Variants in TASP1 observed in about 807,000 individuals in gnomAD.
TASP1 encodes taspase 1.
A neutral mutation model predicts 56.6 loss-of-function variants in TASP1; 16 were observed. The observed-to-expected ratio is 0.28, with a 90% confidence interval of 0.19 to 0.43. The LOEUF (loss-of-function observed/expected upper bound fraction) is 0.43. Among genes scored for constraint, TASP1 ranks in the 20% least tolerant of loss-of-function variants. The pLI, the probability that TASP1 is intolerant of heterozygous loss-of-function variation, is 1.00. For synonymous variants in TASP1, 179 were observed against 184.2 expected, an observed-to-expected ratio of 0.97 and a Z score of 0.23; for missense variants, 393 against 511.6, an observed-to-expected ratio of 0.77 and a Z score of 2.24.
At chr20:13,533,068 A>C (rs1255166306) in intron 9 of TASP1, among the ~76,000 whole-genome samples, 3 of 152,154 alleles carry the variant, frequency 2.0e-5, no homozygotes, top group African/African-American at 4.8e-5. Flanking sequence ...AGATCAAACA[A>C]CACCACTTTG....
chr20:13,192,543 C>T, the TASP1 span, among the ~76,000 whole-genome samples: 1 of 151,910 alleles, frequency 6.6e-6, no homozygotes, highest in South Asian at 2.1e-4. Flanking sequence ...TCAAAACACA[C>T]AAACACACAC....
chr20:13,129,971 G>A, the TASP1 span, among the ~76,000 whole-genome samples: 1 of 152,098 alleles, frequency 6.6e-6, no homozygotes, highest in Non-Finnish European at 1.5e-5. Flanking sequence ...CTATGTGTAT[G>A]GTCTGGTTTT....
chr20:13,569,657 A>G (rs566095388), intron 6 of TASP1, 71 bp from the exon 7 acceptor site: 1 of 1,339,322 alleles, frequency 7.5e-7, no homozygotes, highest in East Asian at 2.3e-5. Flanking sequence ...AATATAGGTA[A>G]TATGGTAAGG....
the TASP1 span, chr20:13,299,734 C>G: frequency 2.8e-6 from 1 of 357,190 alleles, no homozygotes; most frequent in Non-Finnish European, 5.1e-6. This position sits in a 1 kb window ranked among gnomAD's most constrained non-coding sequence, Gnocchi z 5.8. Context: ...AGAAGAAGAA[C>G]CTGGAAGCCA....
At chr20:13,398,424 T>A (rs1253238094) in intron 13 of TASP1, among the ~76,000 whole-genome samples, 1 of 150,860 alleles carries the variant, frequency 6.6e-6, no homozygotes, top group East Asian at 1.9e-4. Context: ...AAGCTGCAAG[T>A]GTATTGCTCC....
the TASP1 span, among the ~76,000 whole-genome samples, chr20:13,194,579 GTGTGTGTA>G: frequency 1.0e-2 from 1,304 of 130,682 alleles, 20 homozygotes; most frequent in African/African-American, 0.039. Context: ...GTGTGTGTGT[GTGTGTGTA>G]TGTGTGTTTC....
chr20:13,619,285 A>G (rs1326622742), intron 4 of TASP1, among the ~76,000 whole-genome samples: 1 of 152,216 alleles, frequency 6.6e-6, no homozygotes, highest in Non-Finnish European at 1.5e-5. Flanking sequence ...AAAGGTTACA[A>G]CAAGATCTTC....
chr20:13,417,762 T>C (rs940301260), intron 12 of TASP1, among the ~76,000 whole-genome samples: 7 of 152,078 alleles, frequency 4.6e-5, no homozygotes, highest in African/African-American at 1.7e-4. Context: ...GTAAAATAAA[T>C]GCTCTTCTGT....
intron 10 of TASP1, among the ~76,000 whole-genome samples, chr20:13,495,308 G>A (rs1319219574): frequency 2.0e-5 from 3 of 152,108 alleles, no homozygotes; most frequent in African/African-American, 7.2e-5. Context: ...CTTTAAAGCT[G>A]TACGCAAAGT....
At chr20:13,361,845 T>A in the TASP1 span, among the ~76,000 whole-genome samples, 1 of 152,066 alleles carries the variant, frequency 6.6e-6, no homozygotes, top group African/African-American at 2.4e-5. Flanking sequence ...AAATAAATAA[T>A]CTTTGCTGGC....
At chr20:13,630,626 T>G (rs1438859583) in intron 1 of TASP1, among the ~76,000 whole-genome samples, 1 of 140,786 alleles carries the variant, frequency 7.1e-6, no homozygotes, top group African/African-American at 2.8e-5. Context: ...GAGGCAGAAG[T>G]TGCAGTGAGC....
At chr20:13,618,947 C>T (rs1231668240) in intron 4 of TASP1, among the ~76,000 whole-genome samples, 1 of 151,928 alleles carries the variant, frequency 6.6e-6, no homozygotes. Flanking sequence ...GGCTCACTGC[C>T]AACCTCTGCC....
chr20:13,477,592 A>T (rs1216336309), intron 11 of TASP1, among the ~76,000 whole-genome samples: 2 of 152,196 alleles, frequency 1.3e-5, no homozygotes, highest in Non-Finnish European at 2.9e-5. Flanking sequence ...CACAAAACCA[A>T]GTTGGTTTAA....
At chr20:13,279,910 A>C in the TASP1 span, 1 of 1,609,016 alleles carries the variant, frequency 6.2e-7, no homozygotes, top group Non-Finnish European at 8.5e-7. Flanking sequence ...TGAGTTTACC[A>C]CCTAGTAATA....
At chr20:13,236,944 G>A in the TASP1 span, among the ~76,000 whole-genome samples, 2 of 152,150 alleles carry the variant, frequency 1.3e-5, no homozygotes, top group African/African-American at 4.8e-5. Flanking sequence ...AGCTTTTCCA[G>A]GCACATGGTG....
the TASP1 span, among the ~76,000 whole-genome samples, chr20:13,200,571 A>C: frequency 1.3e-5 from 2 of 152,228 alleles, no homozygotes; most frequent in Admixed American, 6.5e-5. Context: ...TGGTTGGAAA[A>C]AGCACTGCCT....
At chr20:13,107,340 G>T in the TASP1 span, among the ~76,000 whole-genome samples, 1 of 152,284 alleles carries the variant, frequency 6.6e-6, no homozygotes, top group East Asian at 1.9e-4. Flanking sequence ...TGGGTTAAAA[G>T]AGGAAATAGT....
the TASP1 span, among the ~76,000 whole-genome samples, chr20:13,269,917 A>G: frequency 7.3e-6 from 1 of 136,518 alleles, no homozygotes; most frequent in Non-Finnish European, 1.6e-5. Flanking sequence ...GATTGGATGG[A>G]TGGGTGTGTG....
rs180822865 is a variant in TASP1 at position 13,615,869 on chromosome 20, C to T, written c.282+7577G>A. On this transcript the variant is annotated intron_variant, in intron 4 of 13. Coordinates refer to ENST00000337743, the MANE Select transcript of TASP1 (RefSeq NM_017714.3). The stretch of plus-strand genomic sequence containing the variant: ...CTTTTCCAGATTCTGAATAAAGGGG[C>T]GGGTTTGAGAGATGGAAAAAAAACT... 2.6e-4 allele frequency among the ~76,000 whole-genome samples: 40 copies of T among 151,962 alleles called. No individual in the cohort carries two copies. The East Asian group carries it at 6.8e-3, about 26-fold the overall frequency.
Sources: gnomAD v4.1 joint callset for allele counts (sites outside exome capture counted in the v4.1 genomes callset) on GRCh38, gnomAD v4.1.1 for gene constraint, Gnocchi (gnomAD v3.1) non-coding constraint, MANE v1.5 for transcripts, NCBI Gene and HGNC (gene_info 2026-07-23, HGNC 2026-07-21) for gene names.